The following SLC12A6 variants were observed in gnomAD, a reference collection of about 807,000 sequenced individuals.
SLC12A6 encodes the protein K-Cl cotransporter 3.
A neutral mutation model predicts 135.3 loss-of-function variants in SLC12A6; 66 were observed. The ratio of observed to expected loss-of-function variants is 0.49; its 90% CI spans 0.40 to 0.60. The LOEUF (loss-of-function observed/expected upper bound fraction) is 0.60. Among genes scored for constraint, SLC12A6 ranks in the 20% least tolerant of loss-of-function variants. The pLI is 0.00. For synonymous variants in SLC12A6, 513 were observed against 508.8 expected (o/e 1.01, Z -0.11); for missense variants, 1,058 against 1,452.3 (o/e 0.73, Z 4.41).
chr15:34,261,599 G>T (rs560325290), intron 3 of SLC12A6, among the ~76,000 whole-genome samples: 145 of 152,148 alleles, frequency 9.5e-4, no homozygotes, highest in African/African-American at 3.3e-3. Context: ...GCACCCAGCC[G>T]AGACTCTACT....
chr15:34,326,631 T>C (rs1031371700), intron 2 of SLC12A6, among the ~76,000 whole-genome samples: 1 of 152,098 alleles, frequency 6.6e-6, no homozygotes, highest in African/African-American at 2.4e-5. Flanking sequence ...CCTATTCTTA[T>C]GCCAGATTTC....
At chr15:34,313,421 T>C (rs1249047879) in intron 2 of SLC12A6, among the ~76,000 whole-genome samples, 2 of 152,220 alleles carry the variant, frequency 1.3e-5, no homozygotes, top group African/African-American at 4.8e-5. Context: ...TCTTCAATTC[T>C]ATGAAGGCCA....
rs1555381538 is a variant in SLC12A6, at chr15:34,258,811, A to C, written c.543+2T>G. On this transcript the variant is annotated splice_donor_variant, in intron 5 of 25. Transcript: ENST00000354181. LOFTEE classifies it high-confidence loss of function. ...GTATTCCTTGTTATTCTGAGGCCTC[A>C]CCTTGGTGGGCTTCTTTTTCCCTTC... The C allele has an allele frequency of 6.2e-7, 1 of 1,612,642 alleles. No individual in the cohort carries two copies. The highest frequency in any genetic ancestry group is 8.5e-7 in the Non-Finnish European group (1 of 1,178,772).
At chr15:34,329,855 T>C (rs1348553697) in intron 2 of SLC12A6, among the ~76,000 whole-genome samples, 1 of 152,216 alleles carries the variant, frequency 6.6e-6, no homozygotes, top group Non-Finnish European at 1.5e-5. Context: ...TAGTAAAATG[T>C]ACCTTTTACT....
chr15:34,295,881 G>GC (rs1895845425), intron 2 of SLC12A6, among the ~76,000 whole-genome samples: 2 of 151,948 alleles, frequency 1.3e-5, no homozygotes, highest in African/African-American at 4.8e-5. Context: ...ATGCGTGTAA[G>GC]CCCAGCTACT....
intron 17 of SLC12A6, 92 bp from the exon 18 acceptor site, chr15:34,241,429 C>A: frequency 2.8e-6 from 2 of 715,072 alleles, no homozygotes; most frequent in Non-Finnish European, 5.0e-6. Context: ...AAAAATCACA[C>A]ATGTGCAAGG....
At chr15:34,327,265 T>C (rs928454850) in intron 2 of SLC12A6, among the ~76,000 whole-genome samples, 2 of 152,170 alleles carry the variant, frequency 1.3e-5, no homozygotes, top group Non-Finnish European at 2.9e-5. Flanking sequence ...TCATTTGAAA[T>C]GTAGCATGCT....
intron 2 of SLC12A6, among the ~76,000 whole-genome samples, chr15:34,300,848 GCAGGGGTCCTATCTGCC>G (rs1839505270): frequency 6.6e-6 from 1 of 151,676 alleles, no homozygotes; most frequent in African/African-American, 2.4e-5. Context: ...GGCATGAGGG[GCAGGGGTCCTATCTGCC>G]CATTATAAGC....
chr15:34,229,989 C>A lies in SLC12A6; in HGVS notation c.*3892G>T, dbSNP rs16958862. On this transcript the variant is annotated 3_prime_UTR_variant, in exon 26 of 26. Coordinates refer to ENST00000354181, the MANE Select transcript of SLC12A6 (RefSeq NM_001365088.1). ...AAACACAAAGAAACTATACCATAAC[C>A]CAAGGCTGAAAATAATGTAGAAAAC... 89 of 600,336 alleles carry A rather than the reference C, an allele frequency of 1.5e-4. No homozygotes were observed. The African/African-American group carries it at 1.6e-3, about 11-fold the overall frequency. The allele number at this position is 600,336 out of a possible 1,614,324, so 37.2% of individuals were successfully genotyped here. A position where few individuals can be genotyped will look rare whatever the true frequency, so the allele number is the denominator to read the frequency against.
intron 2 of SLC12A6, among the ~76,000 whole-genome samples, chr15:34,307,604 T>TC (rs1896682539): frequency 6.6e-6 from 1 of 152,326 alleles, no homozygotes; most frequent in South Asian, 2.1e-4. Context: ...AGTCACCATG[T>TC]CCACCCATTA....
chr15:34,310,304 T>G (rs1352776252), intron 2 of SLC12A6, among the ~76,000 whole-genome samples: 5 of 85,070 alleles, frequency 5.9e-5, no homozygotes, highest in African/African-American at 4.7e-4. Flanking sequence ...GGCTCAAGTG[T>G]GTGTGTGTGT....
chr15:34,312,841 T>G (rs1477619730), intron 2 of SLC12A6, among the ~76,000 whole-genome samples: 1 of 152,256 alleles, frequency 6.6e-6, no homozygotes, highest in African/African-American at 2.4e-5. Flanking sequence ...ATTCTTACAA[T>G]ATTTCTAACT....
At position 34,289,163 on chromosome 15, in the gene SLC12A6, A is replaced by T. The variant is rs566186058; in HGVS notation, c.272-13774T>A. Among the ~76,000 whole-genome samples, 350 of 152,316 alleles carry T rather than the reference A, an allele frequency of 2.3e-3. 3 individuals are homozygous for T. The highest frequency in any genetic ancestry group is 8.0e-3 in the African/African-American group (331 of 41,568). ...TATTATTTTGAGATATGTTCCATCA[A>T]TACCTAGTTTATTCAGAGTTTTTAC... On this transcript the variant is annotated intron_variant, in intron 2 of 25. Coordinates refer to ENST00000354181, the MANE Select transcript of SLC12A6 (RefSeq NM_001365088.1).
At position 34,232,931 on chromosome 15, in the gene SLC12A6, C is replaced by T. The variant is rs1891033598; in HGVS notation, c.*950G>A. 8.3e-6 allele frequency: 1 copy of T among 119,860 alleles called. No individual in the cohort carries two copies. The highest frequency in any genetic ancestry group is 2.5e-4 in the East Asian group (1 of 3,952). The allele number at this position is 119,860 out of a possible 1,614,324, so 7.4% of individuals were successfully genotyped here. On this transcript the variant is annotated 3_prime_UTR_variant, in exon 26 of 26. Transcript: ENST00000354181. ...TATTTGTTCCTTAAGATTTTTTGAC[C>T]TGTGCTTAATAAGAGGGCATAAAAA... is the stretch of plus-strand genomic sequence containing the variant.
At chr15:34,238,457 G>A in intron 20 of SLC12A6, 56 bp from the exon 21 acceptor site, 1 of 1,376,598 alleles carries the variant, frequency 7.3e-7, no homozygotes, top group Non-Finnish European at 1.0e-6. Context: ...TTGCTTCCTA[G>A]CATGTCAGGA....
rs779080254 is a variant in SLC12A6 at position 34,241,369 on chromosome 15, TTAAAC to T, written c.2163-37_2163-33del. On this transcript the variant is annotated intron_variant, in intron 17 of 25. Coordinates refer to ENST00000354181, the MANE Select transcript of SLC12A6 (RefSeq NM_001365088.1). ...GAAAAAGAAAAGAGCAGAGACAAAT[TTAAAC>T]TATAGTAAGTATAATTTTAAAAAAT... The T allele has an allele frequency of 3.3e-4, 385 of 1,158,346 alleles. 1 individual carries two copies. In the Admixed American group the frequency reaches 6.4e-3, roughly 19 times the overall value. The allele number at this position is 1,158,346 out of a possible 1,614,324, so 71.8% of individuals were successfully genotyped here. A position where few individuals can be genotyped will look rare whatever the true frequency, so the allele number is the denominator to read the frequency against.
At chr15:34,252,407 A>G in intron 9 of SLC12A6, 23 bp from the exon 10 acceptor site, 1 of 1,388,534 alleles carries the variant, frequency 7.2e-7, no homozygotes, top group Non-Finnish European at 1.0e-6. Flanking sequence ...AAATAGGGAG[A>G]AAGATCAAGT....
At chr15:34,296,252 C>T (rs934690451) in intron 2 of SLC12A6, among the ~76,000 whole-genome samples, 12 of 152,090 alleles carry the variant, frequency 7.9e-5, no homozygotes, top group African/African-American at 2.7e-4. Context: ...TCAACTTCAA[C>T]TTAAGAAACT....
chr15:34,238,444 G>T (rs780576401), intron 20 of SLC12A6, 43 bp from the exon 21 acceptor site: 3 of 1,501,276 alleles, frequency 2.0e-6, no homozygotes, highest in South Asian at 2.3e-5. Flanking sequence ...CCTTAGGCTT[G>T]CCTTGCTTCC....
Sources: gnomAD v4.1 joint callset for allele counts (sites outside exome capture counted in the v4.1 genomes callset) on GRCh38, gnomAD v4.1.1 for gene constraint, MANE v1.5 for transcripts, NCBI Gene and HGNC (gene_info 2026-07-23, HGNC 2026-07-21) for gene names.